Variants in ATP10A observed in about 807,000 individuals in gnomAD.
ATP10A encodes phospholipid-transporting ATPase VA.
ATP10A carries 111 observed loss-of-function variants against 147.8 expected under a neutral mutation model. That is an observed-to-expected ratio of 0.75 (90% CI 0.64 to 0.88). The LOEUF (loss-of-function observed/expected upper bound fraction) is 0.88, where lower values mean the gene tolerates loss of function less well. Among genes scored for constraint, ATP10A ranks in the 40% least tolerant of loss-of-function variants. The pLI is 0.00. For missense variants in ATP10A, 1,927 were observed against 1,959.0 expected (o/e 0.98, Z 0.31); for synonymous variants, 875 against 841.6 (o/e 1.04, Z -0.69).
chr15:25,848,122 A>C (rs1893109889), intron 1 of ATP10A, among the ~76,000 whole-genome samples: 1 of 30,738 alleles, frequency 3.3e-5, no homozygotes, highest in Admixed American at 5.7e-4. Context: ...TGGCCTCTAA[A>C]AAGTGTTTTT....
intron 2 of ATP10A, among the ~76,000 whole-genome samples, chr15:25,744,993 G>T (rs1024527080): frequency 3.9e-5 from 6 of 152,158 alleles, no homozygotes; most frequent in Non-Finnish European, 8.8e-5. Context: ...CTAGGCACAT[G>T]ACACTAAAAT....
In ATP10A at chr15:25,725,984, G is replaced by C. The variant is rs1377812459; in HGVS notation, c.946C>G (p.Leu316Val). The change falls in exon 5 of 21, where the codon CTC becomes GTC. Residue 316 changes from leucine to valine, a missense_variant. Physicochemically the swap from Leu to Val is conservative, Grantham distance 32 (BLOSUM62 1). Transcript: ENST00000555815. ...MNCDVLWCVLLLVCMSLFSAV... is the reference protein window; with the variant it reads ...MNCDVLWCVLVLVCMSLFSAV... ...GAAAACAGAGACATGCAAACAAGGA[G>C]CAGGACACACCAGAGCACGTCGCAG... 1 of 1,614,002 alleles carries C rather than the reference G, an allele frequency of 6.2e-7. No homozygotes were observed. Among genetic ancestry groups the C allele is most frequent in the Non-Finnish European group, 8.5e-7 (1 of 1,179,948 alleles).
intron 1 of ATP10A, among the ~76,000 whole-genome samples, chr15:25,806,982 C>T (rs760125601): frequency 7.9e-5 from 12 of 152,166 alleles, no homozygotes; most frequent in Non-Finnish European, 1.5e-4. Flanking sequence ...CCTCAGCTTA[C>T]GCTTCCACTC....
intron 1 of ATP10A, among the ~76,000 whole-genome samples, chr15:25,848,273 A>T (rs1893121398): frequency 6.6e-6 from 1 of 152,148 alleles, no homozygotes; most frequent in South Asian, 2.1e-4. Flanking sequence ...GCTTGAAGTA[A>T]CACAAATTTG....
At chr15:25,693,529 C>T (rs1057423461) in intron 14 of ATP10A, among the ~76,000 whole-genome samples, 1 of 117,896 alleles carries the variant, frequency 8.5e-6, no homozygotes, top group Non-Finnish European at 1.8e-5. Context: ...TCAGGGCTGA[C>T]GTTGTCCTCG....
Position 25,681,039 on chromosome 15 carries a change from G to T in ATP10A, c.3528C>A (p.Ala1176=). ...AAACCAGGCTCTGGAAGGCGGCGTCGGCCATGTTAAACCAGAACGTTCGTG... is the reference window on the plus strand; with the variant it reads ...AAACCAGGCTCTGGAAGGCGGCGTCTGCCATGTTAAACCAGAACGTTCGTG... ...YRPRTFWFNM[A]DAAFQSLVCF... is the part of the protein sequence containing the mutation. The change falls in exon 18 of 21, where the codon GCC becomes GCA. Residue 1176 remains alanine (A), a synonymous_variant. Coordinates refer to ENST00000555815, the MANE Select transcript of ATP10A (RefSeq NM_024490.4). The T allele has an allele frequency of 6.2e-7, 1 of 1,613,650 alleles. No individual in the cohort carries two copies. The highest frequency in any genetic ancestry group is 8.5e-7 in the Non-Finnish European group (1 of 1,179,794).
chr15:25,772,697 C>G (rs139655012), intron 2 of ATP10A, among the ~76,000 whole-genome samples: 1 of 152,134 alleles, frequency 6.6e-6, no homozygotes, highest in Non-Finnish European at 1.5e-5. Flanking sequence ...GTGAGTGGAA[C>G]GACCCTGAAG....
rs1466992931 is a variant in ATP10A, at chr15:25,679,528, A to C, written c.4313T>G (p.Leu1438Arg). 6.2e-7 allele frequency: 1 copy of C among 1,613,528 alleles called. No individual in the cohort carries two copies. Among genetic ancestry groups the C allele is most frequent in the Admixed American group, 1.7e-5 (1 of 60,014 alleles). Residue 1438 changes from leucine (L) to arginine (R), a missense_variant, in exon 21 of 21, where the codon CTC (leucine) becomes CGC (arginine). Physicochemically the swap from Leu to Arg is moderately radical, Grantham distance 102. Transcript: ENST00000555815. ...SLFSLPTFSLLNWISSWSLVS... is the reference protein window; with the variant it reads ...SLFSLPTFSLRNWISSWSLVS... ...CAGCGACCAGGAGGAAATCCAGTTG[A>C]GTAAGCTGAAGGTAGGCAGGCTGAA...
intron 1 of ATP10A, among the ~76,000 whole-genome samples, chr15:25,802,983 C>T (rs1430105790): frequency 1.3e-5 from 2 of 152,236 alleles, no homozygotes; most frequent in East Asian, 3.8e-4. Context: ...GTGTGGCCAA[C>T]ACCAGTAGGG....
chr15:25,744,778 G>A (rs1183775737), intron 2 of ATP10A, among the ~76,000 whole-genome samples: 1 of 152,154 alleles, frequency 6.6e-6, no homozygotes, highest in Non-Finnish European at 1.5e-5. Context: ...GAAAGGATGA[G>A]AAGTACAGAA....
intron 2 of ATP10A, among the ~76,000 whole-genome samples, chr15:25,775,952 G>A (rs757773200): frequency 8.5e-5 from 13 of 152,188 alleles, no homozygotes; most frequent in African/African-American, 1.9e-4. Flanking sequence ...AGTTAGCACC[G>A]AAGACTTCAA....
At chr15:25,743,701 G>T (rs960179245) in intron 2 of ATP10A, among the ~76,000 whole-genome samples, 1 of 152,206 alleles carries the variant, frequency 6.6e-6, no homozygotes, top group African/African-American at 2.4e-5. Context: ...CCTGGAAGTC[G>T]AAAGTTGGAA....
In ATP10A at chr15:25,862,673, G is replaced by T; in HGVS notation, c.424C>A (p.His142Asn). Residue 142 changes from histidine to asparagine, a missense_variant, in exon 1 of 21, where the codon CAC (histidine) becomes AAC (asparagine). His to Asn is a moderately conservative substitution (Grantham distance 68). Transcript: ENST00000555815. ...CTGCTGAAGACCAGGCAGCCCAGGTGGTTGATCTTGTGGTCGGAGCGGTGG... is the reference window on the plus strand; with the variant it reads ...CTGCTGAAGACCAGGCAGCCCAGGTTGTTGATCTTGTGGTCGGAGCGGTGG... The part of the protein sequence containing the change: ...SRHRSDHKIN[H>N]LGCLVFSREE... The T allele has an allele frequency of 1.9e-6, 3 of 1,598,186 alleles. No individual in the cohort carries two copies. Among genetic ancestry groups the T allele is most frequent in the South Asian group, 2.2e-5 (2 of 89,680 alleles).
chr15:25,763,556 A>T (rs944535501), intron 2 of ATP10A, among the ~76,000 whole-genome samples: 1 of 152,160 alleles, frequency 6.6e-6, no homozygotes, highest in Admixed American at 6.5e-5. Context: ...CGGATTAAAG[A>T]TTGTTTCTGT....
At chr15:25,807,667 TGGTGCACACCTGTAATCCCAGCTACTCG>T (rs1891253963) in intron 1 of ATP10A, among the ~76,000 whole-genome samples, 1 of 151,968 alleles carries the variant, frequency 6.6e-6, no homozygotes, top group Admixed American at 6.6e-5. Flanking sequence ...CTGGGCATGG[TGGTGCACACCTGTAATCCCAGCTACTCG>T]GGAGTCTGAG....
At chr15:25,812,890 G>A (rs942278083) in intron 1 of ATP10A, among the ~76,000 whole-genome samples, 1 of 152,206 alleles carries the variant, frequency 6.6e-6, no homozygotes, top group Non-Finnish European at 1.5e-5. Flanking sequence ...CATCAAATAA[G>A]TAAGAAATGC....
At chr15:25,835,179 G>C (rs1892538300) in intron 1 of ATP10A, among the ~76,000 whole-genome samples, 1 of 152,130 alleles carries the variant, frequency 6.6e-6, no homozygotes, top group Non-Finnish European at 1.5e-5. Flanking sequence ...GCTGAGGTGA[G>C]AGGATCACTT....
At chr15:25,777,353 T>A (rs945358436) in intron 2 of ATP10A, among the ~76,000 whole-genome samples, 1 of 152,068 alleles carries the variant, frequency 6.6e-6, no homozygotes, top group African/African-American at 2.4e-5. Flanking sequence ...TCCAGCAGCG[T>A]CCAGCAACTG....
intron 2 of ATP10A, among the ~76,000 whole-genome samples, chr15:25,769,871 A>C (rs1407531224): frequency 6.6e-6 from 1 of 152,126 alleles, no homozygotes. Context: ...GTTTTTAAAG[A>C]GGTAATAAGG....
Sources: allele counts gnomAD v4.1 joint callset (sites outside exome capture counted in the v4.1 genomes callset), GRCh38; gene constraint gnomAD v4.1.1; transcripts MANE v1.5; gene names NCBI Gene and HGNC (gene_info 2026-07-23, HGNC 2026-07-21).